The following CLEC9A variants were observed in gnomAD, a reference collection of about 807,000 sequenced individuals.
The protein encoded by CLEC9A is C-type lectin domain family 9 member A.
Under a neutral mutation model 30.0 loss-of-function variants are expected in CLEC9A, and 24 were observed. The observed-to-expected ratio is 0.80, with a 90% CI of 0.58 to 1.13. The LOEUF is 1.13. Ranked by LOEUF, CLEC9A falls within the 50% of genes most tolerant of loss-of-function variation. The pLI, the probability that CLEC9A is intolerant of heterozygous loss-of-function variation, is 0.00. For synonymous variants in CLEC9A, 111 were observed against 96.8 expected, an observed-to-expected ratio of 1.15 and a Z score of -0.86; for missense variants, 251 against 280.9, an observed-to-expected ratio of 0.89 and a Z score of 0.76.
intron 5 of CLEC9A, among the ~76,000 whole-genome samples, chr12:10,057,382 T>C (rs934134911): frequency 6.6e-6 from 1 of 151,836 alleles, no homozygotes; most frequent in Non-Finnish European, 1.5e-5. Flanking sequence ...TGACAAAAAG[T>C]AGTAAATGAA....
intron 5 of CLEC9A, among the ~76,000 whole-genome samples, chr12:10,054,916 A>G (rs1273809535): frequency 5.9e-5 from 9 of 152,196 alleles, no homozygotes; most frequent in Non-Finnish European, 7.4e-5. Context: ...AACATCACTC[A>G]TGCTACCACT....
intron 1 of CLEC9A, among the ~76,000 whole-genome samples, chr12:10,039,336 C>A (rs1381757825): frequency 2.0e-5 from 3 of 152,128 alleles, no homozygotes; most frequent in African/African-American, 7.2e-5. Flanking sequence ...ATCCAATTGT[C>A]CTATACATAG....
intron 1 of CLEC9A, among the ~76,000 whole-genome samples, chr12:10,036,206 G>C (rs1483064868): frequency 2.0e-5 from 3 of 152,150 alleles, no homozygotes; most frequent in Non-Finnish European, 2.9e-5. Flanking sequence ...ATTTTGGTCT[G>C]ATAGTTATTA....
intron 4 of CLEC9A, 95 bp downstream of exon 4, chr12:10,052,873 G>A (rs1175381163): frequency 8.1e-6 from 11 of 1,363,774 alleles, no homozygotes; most frequent in African/African-American, 1.5e-5. Flanking sequence ...ATTCTAATCC[G>A]AGATAATCTA....
rs747785267 is a variant in CLEC9A at position 10,064,729 on chromosome 12, T to C, written c.472-3T>C. 6 of 1,610,632 alleles carry C rather than the reference T, an allele frequency of 3.7e-6. No homozygotes were observed. The African/African-American group carries it at 5.4e-5, about 14-fold the overall frequency. On this transcript the variant is annotated splice_polypyrimidine_tract_variant and splice_region_variant and intron_variant, in intron 7 of 8. Coordinates refer to ENST00000355819, the MANE Select transcript of CLEC9A (RefSeq NM_207345.4). The stretch of plus-strand genomic sequence containing the variant: ...ATTTCACAGTTCAATTTTTGTCTCA[T>C]AGGATTTTATCACTGGCAGCTTGAG...
intron 1 of CLEC9A, among the ~76,000 whole-genome samples, chr12:10,034,826 G>A (rs958223081): frequency 6.6e-6 from 1 of 152,118 alleles, no homozygotes; most frequent in African/African-American, 2.4e-5. Flanking sequence ...TGTGTTACAG[G>A]GTGCTCTTTT....
intron 6 of CLEC9A, among the ~76,000 whole-genome samples, chr12:10,061,828 CAT>C (rs796655791): frequency 1.9e-4 from 29 of 152,272 alleles, no homozygotes; most frequent in African/African-American, 6.5e-4. Flanking sequence ...TTCTACCTGT[CAT>C]ATAGTTTGCC....
intron 7 of CLEC9A, among the ~76,000 whole-genome samples, 189 bp from the exon 8 acceptor site, chr12:10,064,543 A>G (rs1337166560): frequency 6.6e-6 from 1 of 152,202 alleles, no homozygotes; most frequent in Non-Finnish European, 1.5e-5. Context: ...TTAACACCAC[A>G]TGGATCCATA....
In CLEC9A at chr12:10,065,580, G is replaced by C. The variant is rs766900780; in HGVS notation, c.674G>C (p.Ser225Thr). ...AATTCCCTTCTTTCGTCTAACTGCA[G>C]CACGTGGAAGTATTTTATCTGTGAG... ...KSNSLLSSNC[S>T]TWKYFICEKY... The change falls in exon 9 of 9, where the codon AGC becomes ACC. Residue 225 changes from serine to threonine, a missense_variant. Physicochemically the swap from Ser to Thr is moderately conservative, Grantham distance 58. Coordinates refer to ENST00000355819, the MANE Select transcript of CLEC9A (RefSeq NM_207345.4). 6.2e-7 allele frequency: 1 copy of C among 1,613,930 alleles called. No homozygotes were observed. Among genetic ancestry groups the C allele is most frequent in the Non-Finnish European group, 8.5e-7 (1 of 1,179,864 alleles).
chr12:10,042,390 A>T (rs1439681559), intron 2 of CLEC9A, among the ~76,000 whole-genome samples: 1 of 152,170 alleles, frequency 6.6e-6, no homozygotes, highest in Non-Finnish European at 1.5e-5. Context: ...GTCACTTCCT[A>T]TTTGCCAACA....
At chr12:10,034,411 C>T (rs1865726568) in intron 1 of CLEC9A, among the ~76,000 whole-genome samples, 1 of 152,202 alleles carries the variant, frequency 6.6e-6, no homozygotes, top group South Asian at 2.1e-4. Context: ...TCCAGCCTGT[C>T]TGGAAGAACT....
intron 2 of CLEC9A, among the ~76,000 whole-genome samples, chr12:10,044,509 A>T (rs1289941566): frequency 2.0e-5 from 3 of 152,162 alleles, no homozygotes; most frequent in African/African-American, 7.2e-5. Flanking sequence ...TTCTTCCAAC[A>T]AATCAAACTC....
chr12:10,040,534 T>C (rs1354769194), intron 1 of CLEC9A, among the ~76,000 whole-genome samples: 2 of 151,964 alleles, frequency 1.3e-5, no homozygotes, highest in African/African-American at 4.8e-5. Flanking sequence ...CACTGTAAGT[T>C]CCGCCTCCCA....
At chr12:10,044,316 A>G (rs1297638218) in intron 2 of CLEC9A, among the ~76,000 whole-genome samples, 1 of 152,206 alleles carries the variant, frequency 6.6e-6, no homozygotes, top group Non-Finnish European at 1.5e-5. Flanking sequence ...ATGGATAACC[A>G]AATCTTGTAC....
intron 2 of CLEC9A, chr12:10,045,634 A>C: frequency 4.0e-6 from 1 of 249,296 alleles, no homozygotes; most frequent in Non-Finnish European, 8.8e-6. Context: ...CCTTAATGCA[A>C]GGAAAGGGGC....
intron 6 of CLEC9A, among the ~76,000 whole-genome samples, chr12:10,062,050 A>G (rs2137314825): frequency 6.6e-6 from 1 of 152,342 alleles, no homozygotes; most frequent in Admixed American, 6.5e-5. Context: ...AACTCGGGTG[A>G]GGCCCACCTC....
At chr12:10,035,145 G>A (rs1011044978) in intron 1 of CLEC9A, among the ~76,000 whole-genome samples, 12 of 152,146 alleles carry the variant, frequency 7.9e-5, no homozygotes, top group African/African-American at 2.4e-4. Context: ...TGCTCTTGAC[G>A]TCCAGCCACT....
At chr12:10,043,089 A>T (rs886512247) in intron 2 of CLEC9A, 8 of 229,276 alleles carry the variant, frequency 3.5e-5, no homozygotes, top group African/African-American at 1.9e-4. Flanking sequence ...AATGAAATAC[A>T]TTAATATAGA....
In CLEC9A at chr12:10,061,221, T is replaced by G. The variant is rs752440077; in HGVS notation, c.267T>G (p.Cys89Trp). Residue 89 changes from cysteine to tryptophan, a missense_variant, in exon 6 of 9, where the codon TGT becomes TGG. Transcript: ENST00000355819. ...LLNFTEWKRS[C>W]ALQMKYCQAF... ...ACTTTACAGAATGGAAGAGAAGCTG[T>G]GCCCTTCAGATGAAATATTGCCAAG... is the stretch of plus-strand genomic sequence containing the variant. 6 of 1,611,890 alleles carry G rather than the reference T, an allele frequency of 3.7e-6. No homozygotes were observed. The Admixed American group carries it at 8.4e-5, about 23-fold the overall frequency.
Sources: gnomAD v4.1 joint callset for allele counts (sites outside exome capture counted in the v4.1 genomes callset) on GRCh38, gnomAD v4.1.1 for gene constraint, MANE v1.5 for transcripts, NCBI Gene and HGNC (gene_info 2026-07-23, HGNC 2026-07-21) for gene names.